The following FSTL4 variants were observed in gnomAD, a reference collection of about 807,000 sequenced individuals.
FSTL4 encodes the protein follistatin like 4, also known as follistatin-related protein 4.
FSTL4 carries 28 observed loss-of-function variants against 78.2 expected under a neutral mutation model. The ratio of observed to expected loss-of-function variants is 0.36; its 90% CI spans 0.27 to 0.49. FSTL4 has a LOEUF of 0.49. Ranked by LOEUF, FSTL4 falls within the 20% of genes least tolerant of loss-of-function variation. The pLI is 0.98. For missense variants in FSTL4, 922 were observed against 1,084.9 expected (o/e 0.85, Z 2.11); for synonymous variants, 422 against 440.5 (o/e 0.96, Z 0.53).
At chr5:133,209,362 C>A (rs1273669343) in intron 14 of FSTL4, among the ~76,000 whole-genome samples, 1 of 152,136 alleles carries the variant, frequency 6.6e-6, no homozygotes, top group Non-Finnish European at 1.5e-5. Flanking sequence ...GGGGAGTTAG[C>A]TCCATTTGCA....
chr5:133,758,084 T>C, the FSTL4 span, among the ~76,000 whole-genome samples: 1 of 152,346 alleles, frequency 6.6e-6, no homozygotes, highest in South Asian at 2.1e-4. Flanking sequence ...ATAAAAGCAG[T>C]AGCAGCAAAT....
At chr5:133,836,230 C>CT in the FSTL4 span, among the ~76,000 whole-genome samples, 1 of 151,998 alleles carries the variant, frequency 6.6e-6, no homozygotes. Context: ...GTTGTCCTGT[C>CT]TGTTTTATGT....
intron 2 of FSTL4, among the ~76,000 whole-genome samples, 188 bp downstream of exon 2, chr5:133,603,670 A>G (rs409855): frequency 0.45 from 69,088 of 152,032 alleles, 16,416 homozygotes; most frequent in African/African-American, 0.6. Flanking sequence ...CATTACTCAC[A>G]TCGTGTTATC....
chr5:133,339,585 T>A (rs892657206), intron 4 of FSTL4, among the ~76,000 whole-genome samples: 1 of 152,136 alleles, frequency 6.6e-6, no homozygotes, highest in Non-Finnish European at 1.5e-5. Flanking sequence ...TCAACAAACA[T>A]GTGCCAGATA....
chr5:133,375,315 A>G lies in FSTL4; in HGVS notation c.409+25423T>C, dbSNP rs145368212. On this transcript the variant is annotated intron_variant, in intron 4 of 15. Coordinates refer to ENST00000265342, the MANE Select transcript of FSTL4 (RefSeq NM_015082.2). ...GCATATATATATATATATATATAAA[A>G]GACTCTAAAGTTACATACCAAAATA... Among the ~76,000 whole-genome samples the G allele has an allele frequency of 4.0e-3, 135 of 33,960 alleles. 1 individual carries two copies. The highest frequency in any genetic ancestry group is 8.3e-3 in the African/African-American group (131 of 15,712). 22.3% of individuals were successfully genotyped at this position (33,960 alleles called of 152,430 possible).
At position 133,400,730 on chromosome 5, in the gene FSTL4, G is replaced by C; in HGVS notation, c.409+8C>G. 1.9e-6 allele frequency: 3 copies of C among 1,613,386 alleles called. No individual in the cohort carries two copies. In the South Asian group the frequency reaches 3.3e-5, roughly 18 times the overall value. ...CCCAAAACCACAGGGCAAGGGCCCT[G>C]TTCCTACCTTTGAGGAAACAGTCCT... On this transcript the variant is annotated splice_region_variant and intron_variant, in intron 4 of 15. Coordinates refer to ENST00000265342, the MANE Select transcript of FSTL4 (RefSeq NM_015082.2).
intron 2 of FSTL4, among the ~76,000 whole-genome samples, chr5:133,602,056 A>G (rs1760881967): frequency 6.6e-6 from 1 of 152,016 alleles, no homozygotes; most frequent in South Asian, 2.1e-4. Context: ...CATTATTATC[A>G]TCTCATTTAA....
chr5:133,465,400 T>C (rs1757686155), intron 3 of FSTL4, among the ~76,000 whole-genome samples: 1 of 152,234 alleles, frequency 6.6e-6, no homozygotes, highest in East Asian at 1.9e-4. Context: ...TTCTGTGCTG[T>C]CTTGTATTAT....
At chr5:133,726,339 T>C in the FSTL4 span, among the ~76,000 whole-genome samples, 1 of 152,204 alleles carries the variant, frequency 6.6e-6, no homozygotes, top group African/African-American at 2.4e-5. Flanking sequence ...CGCCATCGAC[T>C]CTGAGCACAA....
chr5:133,644,481 A>T, the FSTL4 span, among the ~76,000 whole-genome samples: 1 of 151,996 alleles, frequency 6.6e-6, no homozygotes, highest in Non-Finnish European at 1.5e-5. Flanking sequence ...CAGCATCTTC[A>T]TTCCCAGTGG....
intron 6 of FSTL4, among the ~76,000 whole-genome samples, chr5:133,296,128 T>A (rs944369674): frequency 6.6e-6 from 1 of 152,218 alleles, no homozygotes; most frequent in Non-Finnish European, 1.5e-5. Flanking sequence ...TCTCAGTTAA[T>A]GGCAACTCCA....
chr5:133,792,086 A>G, the FSTL4 span, among the ~76,000 whole-genome samples: 22 of 152,266 alleles, frequency 1.4e-4, no homozygotes, highest in African/African-American at 5.3e-4. Context: ...ATAATGATAT[A>G]ATTACCTTCC....
At chr5:133,582,431 G>A (rs35724862) in intron 2 of FSTL4, among the ~76,000 whole-genome samples, 36,742 of 152,094 alleles carry the variant, frequency 0.24, 4,614 homozygotes, top group East Asian at 0.29. Flanking sequence ...GTATCTGGTA[G>A]CTGCTGTCCA....
At chr5:133,684,366 C>A in the FSTL4 span, among the ~76,000 whole-genome samples, 1 of 152,156 alleles carries the variant, frequency 6.6e-6, no homozygotes, top group Non-Finnish European at 1.5e-5. Flanking sequence ...CAGCCTAAGT[C>A]CACTTATTGG....
At chr5:133,509,198 A>T (rs1168934012) in intron 3 of FSTL4, among the ~76,000 whole-genome samples, 1 of 152,154 alleles carries the variant, frequency 6.6e-6, no homozygotes, top group African/African-American at 2.4e-5. Context: ...ACCACAGCAG[A>T]GCTGCCCTGC....
intron 14 of FSTL4, among the ~76,000 whole-genome samples, chr5:133,205,741 G>A (rs926088343): frequency 2.0e-5 from 3 of 151,758 alleles, no homozygotes; most frequent in African/African-American, 4.8e-5. Flanking sequence ...TAGAAACACC[G>A]TAAAACTATG....
chr5:133,749,299 G>T, the FSTL4 span, among the ~76,000 whole-genome samples: 7 of 152,206 alleles, frequency 4.6e-5, no homozygotes, highest in African/African-American at 4.8e-5. Flanking sequence ...GAGGGATTCA[G>T]AAAGCATAGA....
At chr5:133,724,894 T>C in the FSTL4 span, among the ~76,000 whole-genome samples, 1,023 of 152,356 alleles carry the variant, frequency 6.7e-3, 11 homozygotes, top group African/African-American at 0.024. Context: ...CTTTTGTGCA[T>C]GGCATGAAGT....
At chr5:133,695,470 C>A in the FSTL4 span, among the ~76,000 whole-genome samples, 1 of 152,188 alleles carries the variant, frequency 6.6e-6, no homozygotes, top group South Asian at 2.1e-4. Context: ...CTTAAATTAT[C>A]ATTTTCTTCC....
Sources: allele counts gnomAD v4.1 joint callset (sites outside exome capture counted in the v4.1 genomes callset), GRCh38; gene constraint gnomAD v4.1.1; transcripts MANE v1.5; gene names NCBI Gene and HGNC (gene_info 2026-07-23, HGNC 2026-07-21).